The following NRXN3 variants were observed in gnomAD, a reference collection of about 807,000 sequenced individuals.
NRXN3 encodes the protein neurexin 3.
NRXN3 carries 32 observed loss-of-function variants against 137.6 expected under a neutral mutation model. The ratio of observed to expected loss-of-function variants is 0.23; its 90% confidence interval spans 0.18 to 0.31. The LOEUF is 0.31. Among genes scored for constraint, NRXN3 ranks in the 10% least tolerant of loss-of-function variants. The pLI, the probability that NRXN3 is intolerant of heterozygous loss-of-function variation, is 1.00. For missense variants in NRXN3, 1,574 were observed against 2,062.5 expected (o/e 0.76, Z 4.59); for synonymous variants, 798 against 784.5 (o/e 1.02, Z -0.29).
intron 8 of NRXN3, among the ~76,000 whole-genome samples, chr14:78,736,650 C>T (rs1033654955): frequency 1.3e-5 from 2 of 152,208 alleles, no homozygotes; most frequent in African/African-American, 4.8e-5. Context: ...CATTTATTTA[C>T]ACTTTTATTC....
At chr14:78,352,560 G>A (rs562376185) in intron 4 of NRXN3, among the ~76,000 whole-genome samples, 2 of 152,242 alleles carry the variant, frequency 1.3e-5, no homozygotes, top group South Asian at 2.1e-4. Context: ...GTTTATTGGC[G>A]GGGTTGGGGA....
intron 15 of NRXN3, among the ~76,000 whole-genome samples, chr14:79,169,991 C>T (rs139634065): frequency 6.6e-6 from 1 of 152,072 alleles, no homozygotes; most frequent in Non-Finnish European, 1.5e-5. Flanking sequence ...TAGGCATAAG[C>T]TGGCGTGTCT....
At chr14:78,252,140 T>C (rs1285767472) in intron 2 of NRXN3, among the ~76,000 whole-genome samples, 2 of 152,018 alleles carry the variant, frequency 1.3e-5, no homozygotes, top group Non-Finnish European at 2.9e-5. Flanking sequence ...AAATAATGTA[T>C]TTTCCAAAGT....
intron 19 of NRXN3, among the ~76,000 whole-genome samples, chr14:79,783,431 A>C (rs2099120106): frequency 6.6e-6 from 1 of 152,200 alleles, no homozygotes; most frequent in Non-Finnish European, 1.5e-5. Flanking sequence ...TTTACAATGG[A>C]GTCTGTTTTC....
chr14:78,594,606 G>A (rs8018626), intron 4 of NRXN3, among the ~76,000 whole-genome samples: 7,369 of 152,200 alleles, frequency 0.048, 251 homozygotes, highest in East Asian at 0.11. Context: ...CCTAAGCACA[G>A]TTCTAGATTC....
chr14:78,736,796 CAGA>C (rs1297906015), intron 8 of NRXN3, among the ~76,000 whole-genome samples: 20 of 152,056 alleles, frequency 1.3e-4, no homozygotes, highest in African/African-American at 4.8e-4. Flanking sequence ...AAAAAATAAG[CAGA>C]ATACAGTAAA....
intron 4 of NRXN3, among the ~76,000 whole-genome samples, chr14:78,643,754 C>T (rs1265023493): frequency 1.3e-5 from 2 of 152,106 alleles, no homozygotes; most frequent in Non-Finnish European, 2.9e-5. Flanking sequence ...CATGTGGTTG[C>T]CCCAGCCTAA....
chr14:79,180,059 C>G (rs1227885896), intron 15 of NRXN3, among the ~76,000 whole-genome samples: 1 of 152,162 alleles, frequency 6.6e-6, no homozygotes, highest in African/African-American at 2.4e-5. Flanking sequence ...GCTGTAATAG[C>G]CTGTGTCTGC....
chr14:79,012,871 C>G (rs1484728764), intron 15 of NRXN3, among the ~76,000 whole-genome samples: 1 of 152,134 alleles, frequency 6.6e-6, no homozygotes, highest in East Asian at 1.9e-4. Flanking sequence ...AAACCGTGGA[C>G]AGAGAGGCCT....
intron 4 of NRXN3, among the ~76,000 whole-genome samples, chr14:78,452,824 G>T (rs922179672): frequency 6.6e-6 from 1 of 152,170 alleles, no homozygotes; most frequent in Non-Finnish European, 1.5e-5. Context: ...TTCTAGAGAG[G>T]TGGTGCTGCC....
chr14:78,941,150 C>T (rs530579244), intron 10 of NRXN3, among the ~76,000 whole-genome samples: 1 of 152,242 alleles, frequency 6.6e-6, no homozygotes, highest in African/African-American at 2.4e-5. Flanking sequence ...AAAATAGGCA[C>T]AATCACTGGC....
intron 15 of NRXN3, among the ~76,000 whole-genome samples, chr14:79,308,844 C>CTTTTT (rs34580008): frequency 1.1e-5 from 1 of 89,364 alleles, no homozygotes; most frequent in African/African-American, 4.1e-5. Flanking sequence ...GGGAAGCATT[C>CTTTTT]TTTTTTTTTT....
intron 4 of NRXN3, among the ~76,000 whole-genome samples, chr14:78,572,441 G>A (rs1334967274): frequency 1.3e-5 from 2 of 152,154 alleles, no homozygotes; most frequent in Non-Finnish European, 2.9e-5. Flanking sequence ...TTTGCACAGG[G>A]AAGTTCTAGT....
At chr14:79,740,319 C>T (rs1310427489) in intron 19 of NRXN3, among the ~76,000 whole-genome samples, 1 of 152,082 alleles carries the variant, frequency 6.6e-6, no homozygotes, top group Admixed American at 6.5e-5. Flanking sequence ...TCTCCCTTGT[C>T]ACATGTGTTA....
intron 4 of NRXN3, among the ~76,000 whole-genome samples, chr14:78,490,112 A>C (rs1464047640): frequency 6.6e-6 from 1 of 152,002 alleles, no homozygotes; most frequent in Non-Finnish European, 1.5e-5. Flanking sequence ...ATGTGGTTTC[A>C]CCAAGTTGGC....
Position 79,352,232 on chromosome 14 carries a change from T to TA in NRXN3, c.3263-114979dup, listed in dbSNP as rs944657580. On this transcript the variant is annotated intron_variant, in intron 15 of 20. Transcript: ENST00000335750. ...TTTGACACATTGCCCAATGTCAGGG[T>TA]AAAAAAAAAATGCAGCGTCTGGCTA... 2.1e-4 allele frequency among the ~76,000 whole-genome samples: 32 copies of TA among 149,690 alleles called. No individual in the cohort carries two copies. The East Asian group carries it at 3.1e-3, about 15-fold the overall frequency.
chr14:78,235,004 A>ATATATATATATATATG (rs1390760523), intron 1 of NRXN3, among the ~76,000 whole-genome samples: 1 of 65,648 alleles, frequency 1.5e-5, no homozygotes, highest in Non-Finnish European at 2.8e-5. Flanking sequence ...TTATATATAT[A>ATATATATATATATATG]TATATATATA....
chr14:79,024,373 G>A (rs932609686), intron 15 of NRXN3, among the ~76,000 whole-genome samples: 2 of 151,990 alleles, frequency 1.3e-5, no homozygotes, highest in African/African-American at 4.8e-5. Context: ...ATCAAATTCA[G>A]GTTTTTAAAT....
At chr14:79,453,072 T>A (rs1192059914) in intron 15 of NRXN3, among the ~76,000 whole-genome samples, 1 of 152,212 alleles carries the variant, frequency 6.6e-6, no homozygotes, top group Non-Finnish European at 1.5e-5. Flanking sequence ...TAGACTATCT[T>A]TGTTTTAAGA....
Sources: gnomAD v4.1 joint callset for allele counts (sites outside exome capture counted in the v4.1 genomes callset) on GRCh38, gnomAD v4.1.1 for gene constraint, MANE v1.5 for transcripts, NCBI Gene and HGNC (gene_info 2026-07-23, HGNC 2026-07-21) for gene names.